PCDHGA12: variants seen among roughly 807,000 people sequenced by gnomAD.
The protein encoded by PCDHGA12 is protocadherin gamma-A12.
PCDHGA12 carries 43 observed loss-of-function variants against 61.1 expected under a neutral mutation model. That is an observed-to-expected ratio of 0.70 (90% CI 0.55 to 0.91). The LOEUF is 0.91. PCDHGA12 is among the 40% of genes least tolerant of loss of function. The pLI is 0.00. For synonymous variants in PCDHGA12, 520 were observed against 542.9 expected, an observed-to-expected ratio of 0.96 and a Z score of 0.59; for missense variants, 1,236 against 1,227.7, an observed-to-expected ratio of 1.01 and a Z score of -0.10.
chr5:141,472,980 C>CAAAAAAAAAAAAAAAAAAAA (rs60579131), intron 1 of PCDHGA12, among the ~76,000 whole-genome samples: 7 of 86,088 alleles, frequency 8.1e-5, no homozygotes, highest in South Asian at 4.3e-4. Flanking sequence ...GAGTGAAACT[C>CAAAAAAAAAAAAAAAAAAAA]AAAAAAAAAA....
In PCDHGA12 at chr5:141,432,700, G is replaced by C. The variant is rs1320099367; in HGVS notation, c.1941G>C (p.Gln647His). 4 of 1,613,980 alleles carry C rather than the reference G, an allele frequency of 2.5e-6. No individual in the cohort carries two copies. In the Admixed American group the frequency reaches 6.7e-5, roughly 27 times the overall value. ...AGCAGAGCCTCGTAGTGGCCGTCCA[G>C]GACCACGGCCAGCCCCCTCTCTCCG... ...ALKQSLVVAV[Q>H]DHGQPPLSAT... The change falls in exon 1 of 4, where the codon CAG becomes CAC. Residue 647 changes from glutamine (Q) to histidine (H), a missense_variant. Physicochemically the swap from Gln to His is conservative, Grantham distance 24. Coordinates refer to ENST00000252085, the MANE Select transcript of PCDHGA12 (RefSeq NM_003735.3). The surrounding 1 kb of genome is among the most constrained non-coding windows in gnomAD (Gnocchi z 6.0).
rs373446844 is a variant in PCDHGA12, at chr5:141,486,661, G to A, written c.2425-8146G>A. The A allele has an allele frequency of 3.1e-6, 5 of 1,613,836 alleles. No individual in the cohort carries two copies. In the African/African-American group the frequency reaches 4.0e-5, roughly 13 times the overall value. On this transcript the variant is annotated intron_variant, in intron 1 of 3. Transcript: ENST00000252085. The surrounding 1 kb of genome is among the most constrained non-coding windows in gnomAD (Gnocchi z 5.0). The stretch of plus-strand genomic sequence containing the variant: ...CGCTTATCTCCTACTCACTCCTGGA[G>A]CCCAGGAATCGAGATGTATCAGCTT...
chr5:141,508,599 G>T lies in PCDHGA12; in HGVS notation c.2573-2348G>T, dbSNP rs948748985. On this transcript the variant is annotated intron_variant, in intron 3 of 3. Coordinates refer to ENST00000252085, the MANE Select transcript of PCDHGA12 (RefSeq NM_003735.3). ...CTCGGGGTGCTACTCAGAGATCTTGGGTGCACATAGGACGTGGGTGGGCCG... is the reference window on the plus strand; with the variant it reads ...CTCGGGGTGCTACTCAGAGATCTTGTGTGCACATAGGACGTGGGTGGGCCG... Among the ~76,000 whole-genome samples the T allele has an allele frequency of 3.9e-5, 6 of 152,212 alleles. No individual in the cohort carries two copies. The South Asian group carries it at 1.2e-3, about 32-fold the overall frequency.
In PCDHGA12 at chr5:141,477,229, C is replaced by G. The variant is rs1376731101; in HGVS notation, c.2425-17578C>G. The G allele has an allele frequency of 6.2e-7, 1 of 1,614,222 alleles. No homozygotes were observed. The highest frequency in any genetic ancestry group is 8.5e-7 in the Non-Finnish European group (1 of 1,180,052). On this transcript the variant is annotated intron_variant, in intron 1 of 3. Transcript: ENST00000252085. This position sits in a 1 kb window ranked among gnomAD's most constrained non-coding sequence, Gnocchi z 4.9. ...AGGATGCCCCTCTGGGGACTGTCAT[C>G]GCTTTGCTCAGTGTGACTGACCTGG...
chr5:141,446,253 A>T (rs1452074783), intron 1 of PCDHGA12, among the ~76,000 whole-genome samples: 3 of 152,164 alleles, frequency 2.0e-5, no homozygotes, highest in African/African-American at 7.2e-5. Context: ...CTTCAGTGAA[A>T]TATTATTAAC....
Position 141,476,543 on chromosome 5 carries a change from G to A in PCDHGA12, c.2425-18264G>A, listed in dbSNP as rs1419273574. 1 of 1,614,220 alleles carries A rather than the reference G, an allele frequency of 6.2e-7. No individual in the cohort carries two copies. Among genetic ancestry groups the A allele is most frequent in the South Asian group, 1.1e-5 (1 of 91,084 alleles). On this transcript the variant is annotated intron_variant, in intron 1 of 3. Transcript: ENST00000252085. The surrounding 1 kb of genome is among the most constrained non-coding windows in gnomAD (Gnocchi z 7.6). ...TTTCCCTACCCAGGAAATGAAATTG[G>A]AGATTAGCGAGGCCGTGGCTCCGGG...
In PCDHGA12 at chr5:141,490,507, G is replaced by C; in HGVS notation, c.2425-4300G>C. 1 of 1,614,016 alleles carries C rather than the reference G, an allele frequency of 6.2e-7. No individual in the cohort carries two copies. Among genetic ancestry groups the C allele is most frequent in the Non-Finnish European group, 8.5e-7 (1 of 1,180,002 alleles). On this transcript the variant is annotated intron_variant, in intron 1 of 3. Transcript: ENST00000252085. The surrounding 1 kb of genome is among the most constrained non-coding windows in gnomAD (Gnocchi z 5.4). ...GGAGGCCACATCCCACTATATCATCGAGCTGCTGGCCAGCGATGCTGGTTC... is the reference window on the plus strand; with the variant it reads ...GGAGGCCACATCCCACTATATCATCCAGCTGCTGGCCAGCGATGCTGGTTC...
At chr5:141,451,557 G>T (rs192150041) in intron 1 of PCDHGA12, among the ~76,000 whole-genome samples, 2 of 152,234 alleles carry the variant, frequency 1.3e-5, no homozygotes, top group East Asian at 3.9e-4. Context: ...TGTGATGAAA[G>T]CCACAATCTT....
At position 141,459,716 on chromosome 5, in the gene PCDHGA12, C is replaced by T. The variant is rs1592633942; in HGVS notation, c.2424+26533C>T. On this transcript the variant is annotated intron_variant, in intron 1 of 3. Coordinates refer to ENST00000252085, the MANE Select transcript of PCDHGA12 (RefSeq NM_003735.3). ...CGCTTGCTACATTTTCTCACCAATG[C>T]TTCCTATTGTCAATTTTTTAAATTT... is the stretch of plus-strand genomic sequence containing the variant. Among the ~76,000 whole-genome samples the T allele has an allele frequency of 2.0e-5, 3 of 152,334 alleles. No homozygotes were observed. In the South Asian group the frequency reaches 6.2e-4, roughly 32 times the overall value.
In PCDHGA12 at chr5:141,487,822, G is replaced by T. The variant is rs1406642768; in HGVS notation, c.2425-6985G>T. ...TGTCACAGTTTAGCATTGGGGGCGG[G>T]TCATGCCTATATCTGAGTAAGAAAT... On this transcript the variant is annotated intron_variant, in intron 1 of 3. Coordinates refer to ENST00000252085, the MANE Select transcript of PCDHGA12 (RefSeq NM_003735.3). This position sits in a 1 kb window ranked among gnomAD's most constrained non-coding sequence, Gnocchi z 5.0. The T allele has an allele frequency of 3.1e-6, 4 of 1,278,640 alleles. No homozygotes were observed. The East Asian group carries it at 7.6e-5, about 24-fold the overall frequency. 79.2% of individuals were successfully genotyped at this position (1,278,640 alleles called of 1,614,324 possible). A position where few individuals can be genotyped will look rare whatever the true frequency, so the allele number is the denominator to read the frequency against.
chr5:141,474,170 T>G (rs535586079), intron 1 of PCDHGA12, among the ~76,000 whole-genome samples: 1 of 152,346 alleles, frequency 6.6e-6, no homozygotes, highest in South Asian at 2.1e-4. Flanking sequence ...GCCTTATTAT[T>G]GAGAAAACTA....
chr5:141,490,960 T>C lies in PCDHGA12; in HGVS notation c.2425-3847T>C. 1.9e-6 allele frequency: 3 copies of C among 1,613,794 alleles called. No homozygotes were observed. The highest frequency in any genetic ancestry group is 2.2e-5 in the South Asian group (2 of 91,030). On this transcript the variant is annotated intron_variant, in intron 1 of 3. Transcript: ENST00000252085. The surrounding 1 kb of genome is among the most constrained non-coding windows in gnomAD (Gnocchi z 5.4). ...GCACCCACGGCCAGACTGGGAACACTCAGCCCCCCAGCGTCTCCCTCGCTC... is the reference window on the plus strand; with the variant it reads ...GCACCCACGGCCAGACTGGGAACACCCAGCCCCCCAGCGTCTCCCTCGCTC...
chr5:141,457,891 T>C (rs2154566084), intron 1 of PCDHGA12, among the ~76,000 whole-genome samples: 1 of 152,346 alleles, frequency 6.6e-6, no homozygotes, highest in South Asian at 2.1e-4. Context: ...GTGTGGGGAC[T>C]GTGTAGACAA....
At chr5:141,500,914 G>T (rs1237339394) in intron 2 of PCDHGA12, among the ~76,000 whole-genome samples, 2 of 151,130 alleles carry the variant, frequency 1.3e-5, no homozygotes, top group Non-Finnish European at 2.9e-5. Flanking sequence ...CTGTCTCCAG[G>T]CTGGGGTGCA....
intron 1 of PCDHGA12, among the ~76,000 whole-genome samples, chr5:141,437,457 T>C (rs527469937): frequency 7.2e-5 from 11 of 152,358 alleles, no homozygotes; most frequent in Non-Finnish European, 1.5e-4. Flanking sequence ...GAGGAGACTA[T>C]ACTATACTTT....
chr5:141,442,779 A>G (rs1453800627), intron 1 of PCDHGA12, among the ~76,000 whole-genome samples: 1 of 152,160 alleles, frequency 6.6e-6, no homozygotes, highest in Non-Finnish European at 1.5e-5. Context: ...GTTTGATTAT[A>G]TTTTATAATT....
intron 1 of PCDHGA12, among the ~76,000 whole-genome samples, chr5:141,463,479 C>T (rs1162346496): frequency 4.1e-5 from 5 of 120,544 alleles, no homozygotes; most frequent in Non-Finnish European, 8.1e-5. Flanking sequence ...GATGGAGTCT[C>T]GCTCTGTCAC....
intron 1 of PCDHGA12, among the ~76,000 whole-genome samples, chr5:141,449,680 T>C (rs2098651613): frequency 6.6e-6 from 1 of 151,546 alleles, no homozygotes; most frequent in Admixed American, 6.6e-5. Flanking sequence ...TATGTATATA[T>C]GTTTGTGTGT....
chr5:141,445,446 G>T (rs2098467238), intron 1 of PCDHGA12, among the ~76,000 whole-genome samples: 1 of 152,264 alleles, frequency 6.6e-6, no homozygotes, highest in Admixed American at 6.5e-5. Flanking sequence ...ATGGACTAAG[G>T]ATGCAGCAAT....
Sources: gnomAD v4.1 joint callset for allele counts (sites outside exome capture counted in the v4.1 genomes callset) on GRCh38, gnomAD v4.1.1 for gene constraint, Gnocchi (gnomAD v3.1) non-coding constraint, MANE v1.5 for transcripts, NCBI Gene and HGNC (gene_info 2026-07-23, HGNC 2026-07-21) for gene names.